Variants in TSPEAR observed in about 807,000 individuals in gnomAD.
TSPEAR encodes thrombospondin type laminin G domain and EAR repeats.
Under a neutral mutation model 71.6 loss-of-function variants are expected in TSPEAR, and 69 were observed. That is an observed-to-expected ratio of 0.96 (90% CI 0.79 to 1.18). TSPEAR has a LOEUF of 1.18. TSPEAR is among the 50% of genes most tolerant of loss of function. TSPEAR has a pLI of 0.00. For missense variants in TSPEAR, 971 were observed against 894.9 expected (o/e 1.09, Z -1.09); for synonymous variants, 402 against 387.2 (o/e 1.04, Z -0.45).
intron 1 of TSPEAR, among the ~76,000 whole-genome samples, chr21:44,662,091 C>A (rs1237517186): frequency 6.6e-6 from 1 of 152,088 alleles, no homozygotes. Context: ...AAATAGAATA[C>A]AATTAGCAAA....
chr21:44,555,345 G>A (rs1263181559), intron 2 of TSPEAR, among the ~76,000 whole-genome samples: 1 of 152,170 alleles, frequency 6.6e-6, no homozygotes, highest in African/African-American at 2.4e-5. Flanking sequence ...CGGCTGCCGG[G>A]GCCCACACAG....
At chr21:44,583,087 C>T (rs1979109691) in intron 1 of TSPEAR, among the ~76,000 whole-genome samples, 1 of 152,168 alleles carries the variant, frequency 6.6e-6, no homozygotes, top group African/African-American at 2.4e-5. Context: ...AGTGATCCAT[C>T]CGTTTCAGTC....
chr21:44,580,235 C>A, intron 1 of TSPEAR: 1 of 1,613,972 alleles, frequency 6.2e-7, no homozygotes, highest in Non-Finnish European at 8.5e-7. Context: ...TGGCTGGCAG[C>A]TAGACTGCTG....
intron 1 of TSPEAR, among the ~76,000 whole-genome samples, chr21:44,689,960 C>A (rs1346140251): frequency 6.6e-6 from 1 of 151,780 alleles, no homozygotes; most frequent in Non-Finnish European, 1.5e-5. Context: ...TTTATATTCG[C>A]TGGCAGCTGA....
At chr21:44,676,889 C>T (rs1025065142) in intron 1 of TSPEAR, 1 of 879,026 alleles carries the variant, frequency 1.1e-6, no homozygotes, top group Non-Finnish European at 2.0e-6. Context: ...TCTGCTAGCT[C>T]TCTGTTCAGC....
At chr21:44,702,328 C>G in intron 1 of TSPEAR, 2 of 1,609,772 alleles carry the variant, frequency 1.2e-6, no homozygotes, top group South Asian at 2.2e-5. Context: ...CTGCCTGACC[C>G]TGGTCTGCAC....
chr21:44,659,390 G>T (rs76111547), intron 1 of TSPEAR, among the ~76,000 whole-genome samples: 1 of 108,900 alleles, frequency 9.2e-6, no homozygotes, highest in Admixed American at 9.5e-5. Flanking sequence ...AAGCACAAGC[G>T]GTTGGTGCAC....
At position 44,558,169 on chromosome 21, in the gene TSPEAR, T is replaced by A. The variant is rs202130377; in HGVS notation, c.303+9616A>T. The stretch of plus-strand genomic sequence containing the variant: ...GGGCGGCAGCAGCTGGGCTGGCAGG[T>A]GGAGGCAGGGGCACAGCAGGAGGGG... On this transcript the variant is annotated intron_variant, in intron 2 of 11. Transcript: ENST00000323084. The A allele has an allele frequency of 3.2e-4, 506 of 1,604,928 alleles. No homozygotes were observed. Among genetic ancestry groups the A allele is most frequent in the Middle Eastern group, 1.0e-3 (6 of 5,830 alleles).
intron 1 of TSPEAR, among the ~76,000 whole-genome samples, chr21:44,603,123 C>T (rs1981083962): frequency 6.6e-6 from 1 of 152,064 alleles, no homozygotes; most frequent in Non-Finnish European, 1.5e-5. Context: ...GCAGAGCCGA[C>T]CTGCGCCTGC....
intron 1 of TSPEAR, 66 bp from the exon 2 acceptor site, chr21:44,568,071 C>A: frequency 7.8e-7 from 1 of 1,280,566 alleles, no homozygotes; most frequent in South Asian, 1.8e-5. Flanking sequence ...CCATAACAGC[C>A]AACATGTATG....
At chr21:44,677,109 C>G (rs187682423) in intron 1 of TSPEAR, 2 of 716,376 alleles carry the variant, frequency 2.8e-6, no homozygotes, top group South Asian at 1.5e-5. Flanking sequence ...CTGCTTGGAC[C>G]TTTTTGACCA....
chr21:44,700,641 C>CT (rs1370915240), intron 1 of TSPEAR, among the ~76,000 whole-genome samples: 1 of 152,206 alleles, frequency 6.6e-6, no homozygotes, highest in Non-Finnish European at 1.5e-5. Flanking sequence ...TAAAGAACTC[C>CT]TGGGGGCCCT....
Position 44,710,559 on chromosome 21 carries a change from C to T in TSPEAR, c.82+874G>A, listed in dbSNP as rs527703184. Among the ~76,000 whole-genome samples the T allele has an allele frequency of 6.6e-6, 1 of 152,230 alleles. No homozygotes were observed. The highest frequency in any genetic ancestry group is 2.1e-4 in the South Asian group (1 of 4,822). On this transcript the variant is annotated intron_variant, in intron 1 of 11. Coordinates refer to ENST00000323084, the MANE Select transcript of TSPEAR (RefSeq NM_144991.3). The surrounding 1 kb of genome is among the most constrained non-coding windows in gnomAD (Gnocchi z 4.6). ...GTGCCGGGGGTGGACTTCATCTATT[C>T]CAGGGAACCAAGGATGCATGATTTG... is the stretch of plus-strand genomic sequence containing the variant.
At chr21:44,512,289 C>A (rs1241085460) in intron 9 of TSPEAR, among the ~76,000 whole-genome samples, 1 of 150,586 alleles carries the variant, frequency 6.6e-6, no homozygotes, top group Non-Finnish European at 1.5e-5. Flanking sequence ...GGCTCTGAGA[C>A]CCACAGGAGC....
At chr21:44,586,521 A>T (rs1555925700) in intron 1 of TSPEAR, among the ~76,000 whole-genome samples, 1 of 152,142 alleles carries the variant, frequency 6.6e-6, no homozygotes, top group African/African-American at 2.4e-5. Context: ...GACATAATCC[A>T]TTTGTTTTTA....
intron 1 of TSPEAR, among the ~76,000 whole-genome samples, chr21:44,596,063 A>C (rs1980348632): frequency 6.6e-6 from 1 of 152,116 alleles, no homozygotes; most frequent in Non-Finnish European, 1.5e-5. Context: ...GCTGTATTGG[A>C]GTGTCTCATG....
intron 1 of TSPEAR, among the ~76,000 whole-genome samples, chr21:44,578,533 G>A (rs1025772588): frequency 2.0e-5 from 3 of 152,192 alleles, no homozygotes; most frequent in African/African-American, 2.4e-5. Context: ...GTCGGCGAGG[G>A]TGCTAGGGAT....
chr21:44,561,364 C>T lies in TSPEAR; in HGVS notation c.303+6421G>A, dbSNP rs142200796. On this transcript the variant is annotated intron_variant, in intron 2 of 11. Coordinates refer to ENST00000323084, the MANE Select transcript of TSPEAR (RefSeq NM_144991.3). ...AATAGTCTACCAACCAAAAAAAGCC[C>T]GGGACCAGATGGATTCACAGCCAAA... is the stretch of plus-strand genomic sequence containing the variant. Among the ~76,000 whole-genome samples the T allele has an allele frequency of 8.4e-3, 1,272 of 152,168 alleles. 16 individuals carry two copies. The highest frequency in any genetic ancestry group is 0.029 in the African/African-American group (1,197 of 41,486).
intron 1 of TSPEAR, among the ~76,000 whole-genome samples, chr21:44,621,144 T>C (rs1982405494): frequency 6.6e-6 from 1 of 152,244 alleles, no homozygotes; most frequent in South Asian, 2.1e-4. Context: ...AGTTGGGTTG[T>C]GTGTTTTTGC....
Sources: gnomAD v4.1 joint callset for allele counts (sites outside exome capture counted in the v4.1 genomes callset) on GRCh38, gnomAD v4.1.1 for gene constraint, Gnocchi (gnomAD v3.1) non-coding constraint, MANE v1.5 for transcripts, NCBI Gene and HGNC (gene_info 2026-07-23, HGNC 2026-07-21) for gene names.